The following PCSK5 variants were observed in gnomAD, a reference collection of about 807,000 sequenced individuals.
PCSK5 encodes the protein prohormone convertase 5.
Under a neutral mutation model 233.2 loss-of-function variants are expected in PCSK5, and 129 were observed. That is an observed-to-expected ratio of 0.55 (90% CI 0.48 to 0.64). The LOEUF is 0.64. Ranked by LOEUF, PCSK5 falls within the 30% of genes least tolerant of loss-of-function variation. The pLI is 0.00. For synonymous variants in PCSK5, 825 were observed against 879.2 expected (o/e 0.94, Z 1.09); for missense variants, 2,076 against 2,430.1 (o/e 0.85, Z 3.06).
intron 3 of PCSK5, among the ~76,000 whole-genome samples, chr9:75,990,356 C>G (rs553596627): frequency 6.6e-6 from 1 of 152,164 alleles, no homozygotes. Context: ...TTTCCCATGT[C>G]GCTCCTCCCC....
chr9:76,294,209 A>C (rs939113111), intron 25 of PCSK5, among the ~76,000 whole-genome samples: 7 of 151,988 alleles, frequency 4.6e-5, no homozygotes, highest in Admixed American at 4.6e-4. Flanking sequence ...AAAAAAAAAA[A>C]AACAGTTGTT....
intron 24 of PCSK5, among the ~76,000 whole-genome samples, chr9:76,250,102 C>G (rs998546729): frequency 6.6e-6 from 1 of 152,102 alleles, no homozygotes; most frequent in African/African-American, 2.4e-5. Context: ...GTCAAGAGAT[C>G]GAGACCATCC....
At chr9:76,078,604 G>A (rs1319978441) in intron 7 of PCSK5, among the ~76,000 whole-genome samples, 2 of 152,002 alleles carry the variant, frequency 1.3e-5, no homozygotes, top group South Asian at 4.1e-4. Flanking sequence ...CTATTTTTTT[G>A]GTTGACTTTG....
intron 24 of PCSK5, among the ~76,000 whole-genome samples, chr9:76,258,553 G>C (rs1449705414): frequency 6.6e-6 from 1 of 152,152 alleles, no homozygotes; most frequent in Non-Finnish European, 1.5e-5. Context: ...CTTCAACTTA[G>C]AAATCTTACA....
At chr9:76,152,207 C>T (rs57208507) in intron 10 of PCSK5, among the ~76,000 whole-genome samples, 11,540 of 152,084 alleles carry the variant, frequency 0.076, 693 homozygotes, top group East Asian at 0.28. Context: ...GTTGCACGTA[C>T]GGTGACCAGT....
chr9:75,942,605 G>A (rs1186745482), intron 2 of PCSK5, among the ~76,000 whole-genome samples: 1 of 152,198 alleles, frequency 6.6e-6, no homozygotes, highest in African/African-American at 2.4e-5. Flanking sequence ...GGCAGAAGGT[G>A]GAGGGCTTAT....
intron 9 of PCSK5, among the ~76,000 whole-genome samples, chr9:76,124,516 G>A (rs906691442): frequency 2.4e-4 from 30 of 122,926 alleles, no homozygotes; most frequent in Non-Finnish European, 5.1e-4. Context: ...GGAGACCGAG[G>A]CAGGCAGATC....
intron 24 of PCSK5, chr9:76,287,413 G>T (rs569564734): frequency 6.0e-6 from 1 of 167,982 alleles, no homozygotes; most frequent in Non-Finnish European, 1.4e-5. Context: ...CACATTCTGC[G>T]TGTAGTACTC....
intron 5 of PCSK5, among the ~76,000 whole-genome samples, chr9:76,027,747 C>G (rs1828490099): frequency 6.6e-6 from 1 of 152,136 alleles, no homozygotes; most frequent in African/African-American, 2.4e-5. Context: ...AGATTCCTTA[C>G]AATATTAGTA....
At chr9:76,114,547 T>A (rs1832351132) in intron 9 of PCSK5, among the ~76,000 whole-genome samples, 1 of 152,088 alleles carries the variant, frequency 6.6e-6, no homozygotes, top group Non-Finnish European at 1.5e-5. Flanking sequence ...TCACCTTGGA[T>A]TATCTTGAAA....
intron 24 of PCSK5, among the ~76,000 whole-genome samples, chr9:76,269,960 T>C (rs916651359): frequency 6.6e-6 from 1 of 152,264 alleles, no homozygotes; most frequent in Non-Finnish European, 1.5e-5. Context: ...AAAGAAAACA[T>C]CACTTCTTTA....
intron 5 of PCSK5, among the ~76,000 whole-genome samples, chr9:76,052,575 C>T (rs960321342): frequency 1.3e-5 from 2 of 152,176 alleles, no homozygotes; most frequent in East Asian, 1.9e-4. Flanking sequence ...TGGGTCCCTC[C>T]CACGATGCGT....
At chr9:76,065,590 C>T (rs541741204) in intron 5 of PCSK5, among the ~76,000 whole-genome samples, 2 of 152,148 alleles carry the variant, frequency 1.3e-5, no homozygotes, top group Non-Finnish European at 2.9e-5. Flanking sequence ...TATTTTCTCT[C>T]GTTATGTGAG....
At chr9:75,918,063 T>C (rs957826303) in intron 1 of PCSK5, among the ~76,000 whole-genome samples, 10 of 152,250 alleles carry the variant, frequency 6.6e-5, no homozygotes, top group African/African-American at 2.4e-4. Context: ...ACTATACTTC[T>C]TCTAATACTG....
intron 13 of PCSK5, among the ~76,000 whole-genome samples, chr9:76,171,808 G>C (rs182070379): frequency 2.3e-4 from 35 of 152,282 alleles, no homozygotes; most frequent in Admixed American, 8.5e-4. Context: ...ATACCCTAAT[G>C]CTATTACTGG....
chr9:76,199,258 C>T (rs1192504730), intron 20 of PCSK5, among the ~76,000 whole-genome samples: 2 of 152,140 alleles, frequency 1.3e-5, no homozygotes, highest in Non-Finnish European at 2.9e-5. Context: ...AGCTGTACAG[C>T]ATGTTACCGT....
intron 10 of PCSK5, among the ~76,000 whole-genome samples, chr9:76,149,246 A>G (rs1047758625): frequency 1.6e-4 from 25 of 152,336 alleles, no homozygotes; most frequent in African/African-American, 5.5e-4. Flanking sequence ...TCCCAGTGAC[A>G]AGGAATAATT....
At chr9:76,275,096 TAAAA>T (rs139067016) in intron 24 of PCSK5, among the ~76,000 whole-genome samples, 1 of 150,682 alleles carries the variant, frequency 6.6e-6, no homozygotes, top group East Asian at 1.9e-4. Context: ...ACATTGGAGA[TAAAA>T]AAAAAATTTA....
chr9:76,193,276 T>G, intron 20 of PCSK5: 1 of 1,613,642 alleles, frequency 6.2e-7, no homozygotes, highest in South Asian at 1.1e-5. Context: ...TTCTGTATGC[T>G]TGTGAAAAAG....
Sources: gnomAD v4.1 joint callset for allele counts (sites outside exome capture counted in the v4.1 genomes callset) on GRCh38, gnomAD v4.1.1 for gene constraint, MANE v1.5 for transcripts, NCBI Gene and HGNC (gene_info 2026-07-23, HGNC 2026-07-21) for gene names.